Variants in KIAA0586 observed in about 807,000 individuals in gnomAD.
KIAA0586 encodes protein TALPID3.
A neutral mutation model predicts 169.8 loss-of-function variants in KIAA0586; 144 were observed. The ratio of observed to expected loss-of-function variants is 0.85; its 90% CI spans 0.74 to 0.97. The LOEUF is 0.97. Among genes scored for constraint, KIAA0586 ranks in the 50% least tolerant of loss-of-function variants. KIAA0586 has a pLI of 0.00. For missense variants in KIAA0586, 1,854 were observed against 1,823.0 expected (o/e 1.02, Z -0.31); for synonymous variants, 625 against 612.4 (o/e 1.02, Z -0.30).
chr14:58,442,881 G>A lies in KIAA0586; in HGVS notation c.585+1G>A, dbSNP rs530982506. On this transcript the variant is annotated splice_donor_variant, in intron 5 of 30. Transcript: ENST00000652326. LOFTEE classifies it high-confidence loss of function. The stretch of plus-strand genomic sequence containing the variant: ...TGCAACCGCAGCTCCGTTGATAAAG[G>A]TATATTTTTCTTCCCAGATAATCAT... 2 of 1,595,112 alleles carry A rather than the reference G, an allele frequency of 1.3e-6. No individual in the cohort carries two copies. Among genetic ancestry groups the A allele is most frequent in the African/African-American group, 2.7e-5 (2 of 74,258 alleles).
intron 29 of KIAA0586, among the ~76,000 whole-genome samples, chr14:58,532,811 A>G (rs1418814077): frequency 6.6e-6 from 1 of 152,220 alleles, no homozygotes. Flanking sequence ...AAATGCAATT[A>G]CTTGTGAATT....
intron 16 of KIAA0586, among the ~76,000 whole-genome samples, chr14:58,469,955 G>A (rs978675411): frequency 1.2e-4 from 18 of 151,968 alleles, no homozygotes; most frequent in African/African-American, 4.1e-4. Context: ...AATAGAGGTT[G>A]TTAGGATTAC....
intron 29 of KIAA0586, among the ~76,000 whole-genome samples, chr14:58,535,146 TTGTAG>T (rs1566953037): frequency 6.6e-6 from 1 of 152,218 alleles, no homozygotes; most frequent in Non-Finnish European, 1.5e-5. Context: ...GGCAAACCTA[TTGTAG>T]TTTTTAAGAT....
At chr14:58,541,932 T>G (rs2140110635) in intron 30 of KIAA0586, among the ~76,000 whole-genome samples, 1 of 152,308 alleles carries the variant, frequency 6.6e-6, no homozygotes, top group South Asian at 2.1e-4. Context: ...GACTTGACTG[T>G]GCAAATTTAA....
intron 20 of KIAA0586, among the ~76,000 whole-genome samples, chr14:58,478,680 T>A (rs919956343): frequency 3.9e-5 from 6 of 152,188 alleles, no homozygotes; most frequent in African/African-American, 1.4e-4. Flanking sequence ...AATCATGAGA[T>A]AGAAAAACAT....
downstream of KIAA0586, among the ~76,000 whole-genome samples, chr14:58,555,293 G>A (rs769193676): frequency 4.6e-5 from 7 of 151,690 alleles, no homozygotes; most frequent in African/African-American, 1.5e-4. Flanking sequence ...TAGAGACAGC[G>A]TTTCACCATG....
At position 58,458,474 on chromosome 14, in the gene KIAA0586, G is replaced by T; in HGVS notation, c.1585G>T (p.Glu529Ter). 6.6e-7 allele frequency: 1 copy of T among 1,511,912 alleles called. No individual in the cohort carries two copies. Among genetic ancestry groups the T allele is most frequent in the South Asian group, 1.2e-5 (1 of 81,848 alleles). 93.7% of individuals were successfully genotyped at this position (1,511,912 alleles called of 1,614,324 possible). The change falls in exon 12 of 31, where the codon GAG (glutamate) becomes TAG (stop). Residue 529 changes from glutamate (E) to a stop codon, truncating the protein, a stop_gained and splice_region_variant. Coordinates refer to ENST00000652326, the MANE Select transcript of KIAA0586 (RefSeq NM_001329943.3). LOFTEE classifies it high-confidence loss of function. ...AAAATTCCTTTTTCTCTTTTATAGA[G>T]AGATGTCAGAGAAAATTAGGATCAG... ...SLINALSTNR[E>*]MSEKIRIRKT...
chr14:58,434,146 A>G (rs1198458084), intron 4 of KIAA0586, among the ~76,000 whole-genome samples: 2 of 152,212 alleles, frequency 1.3e-5, no homozygotes, highest in Non-Finnish European at 2.9e-5. Context: ...CGTCAGTGTA[A>G]TAAGCAAATC....
Position 58,467,976 on chromosome 14 carries a change from T to C in KIAA0586, c.2442+54T>C, listed in dbSNP as rs2040902425. 3.3e-6 allele frequency: 4 copies of C among 1,206,244 alleles called. No individual in the cohort carries two copies. In the East Asian group the frequency reaches 9.6e-5, roughly 29 times the overall value. 74.7% of individuals were successfully genotyped at this position (1,206,244 alleles called of 1,614,324 possible). On this transcript the variant is annotated intron_variant, in intron 16 of 30. Coordinates refer to ENST00000652326, the MANE Select transcript of KIAA0586 (RefSeq NM_001329943.3). ...TTAAGGAAGAAAAAATTTTTTTGCT[T>C]AACGTTAGTACGGAAATCCATTATA...
intron 30 of KIAA0586, 100 bp from the exon 31 acceptor site, chr14:58,547,681 C>CGGGGG: frequency 1.0e-6 from 1 of 990,204 alleles, no homozygotes; most frequent in Non-Finnish European, 1.5e-6. Context: ...ATTTGGAATC[C>CGGGGG]GCGCCCCCCC....
intron 5 of KIAA0586, 28 bp downstream of exon 5, chr14:58,442,908 A>T: frequency 1.3e-6 from 2 of 1,542,612 alleles, no homozygotes; most frequent in Non-Finnish European, 1.8e-6. Flanking sequence ...GATAATCATA[A>T]CTACTTTGTG....
At chr14:58,427,420 A>C, upstream of KIAA0586, 1 of 602,760 alleles carries the variant, frequency 1.7e-6, no homozygotes, top group Non-Finnish European at 2.9e-6. Flanking sequence ...CGGTCTTCGG[A>C]AGCGAAGCAG....
At chr14:58,507,526 C>T (rs1216224620) in intron 27 of KIAA0586, among the ~76,000 whole-genome samples, 1 of 151,592 alleles carries the variant, frequency 6.6e-6, no homozygotes, top group Non-Finnish European at 1.5e-5. Flanking sequence ...TTCCTCTGTG[C>T]TTCTTGCTAG....
At chr14:58,545,185 G>T (rs955349275) in intron 30 of KIAA0586, among the ~76,000 whole-genome samples, 1 of 152,150 alleles carries the variant, frequency 6.6e-6, no homozygotes, top group Non-Finnish European at 1.5e-5. Context: ...TGCCTTGTCT[G>T]TTTCTGAGAA....
chr14:58,448,417 G>A lies in KIAA0586; in HGVS notation c.885G>A (p.Lys295=), dbSNP rs750659144. 2 of 1,611,492 alleles carry A rather than the reference G, an allele frequency of 1.2e-6. No individual in the cohort carries two copies. Among genetic ancestry groups the A allele is most frequent in the Non-Finnish European group, 1.7e-6 (2 of 1,177,830 alleles). Residue 295 remains lysine, a synonymous_variant, in exon 7 of 31, where the codon AAG becomes AAA. Transcript: ENST00000652326. The stretch of plus-strand genomic sequence containing the variant: ...TGCCCTCCTCCAGAGCAGTGGAAAA[G>A]TATTCCGTAAAACCAGAACACCCTA... ...VSMPSSRAVE[K]YSVKPEHPNL...
chr14:58,469,201 G>A (rs1270521475), intron 16 of KIAA0586, among the ~76,000 whole-genome samples: 1 of 152,180 alleles, frequency 6.6e-6, no homozygotes, highest in Non-Finnish European at 1.5e-5. Context: ...CTTCCACCCT[G>A]CAGCTAAAAT....
At position 58,477,142 on chromosome 14, in the gene KIAA0586, T is replaced by C. The variant is rs1427874338; in HGVS notation, c.2845T>C (p.Ser949Pro). ...LIQWVEQEIMSRIISGLFPVQ... is the reference protein window; with the variant it reads ...LIQWVEQEIMPRIISGLFPVQ... ...TCTCAGGGTAGAGCAAGAAATAATG[T>C]CAAGAATTATCTCTGGGCTCTTTCC... Residue 949 changes from serine (S) to proline (P), a missense_variant, in exon 20 of 31, where the codon TCA becomes CCA. Physicochemically the swap from Ser to Pro is moderately conservative, Grantham distance 74. Transcript: ENST00000652326. The C allele has an allele frequency of 6.4e-7, 1 of 1,565,098 alleles. No homozygotes were observed. The highest frequency in any genetic ancestry group is 8.7e-7 in the Non-Finnish European group (1 of 1,149,450).
chr14:58,537,748 C>T (rs1390621914), intron 29 of KIAA0586, among the ~76,000 whole-genome samples: 9 of 151,910 alleles, frequency 5.9e-5, no homozygotes, highest in Non-Finnish European at 7.4e-5. Context: ...CCCAGGTTCA[C>T]GCCATTCTCC....
chr14:58,458,337 A>G (rs1488943816), intron 11 of KIAA0586, 136 bp from the exon 12 acceptor site: 4 of 606,902 alleles, frequency 6.6e-6, no homozygotes, highest in South Asian at 2.2e-5. Flanking sequence ...CCATTCTACT[A>G]TCCTAATATC....
Sources: allele counts gnomAD v4.1 joint callset (sites outside exome capture counted in the v4.1 genomes callset), GRCh38; gene constraint gnomAD v4.1.1; transcripts MANE v1.5; gene names NCBI Gene and HGNC (gene_info 2026-07-23, HGNC 2026-07-21).